MIDN: variants seen among roughly 807,000 people sequenced by gnomAD.
MIDN encodes the protein midbrain nucleolar protein.
Under a neutral mutation model 46.1 loss-of-function variants are expected in MIDN, and 26 were observed. That is an observed-to-expected ratio of 0.56 (90% CI 0.41 to 0.78). MIDN has a LOEUF of 0.78. Ranked by LOEUF, MIDN falls within the 30% of genes least tolerant of loss-of-function variation. The probability of loss-of-function intolerance (pLI) is 0.00; values close to 1 mark genes in which losing one functional copy is unlikely to be tolerated. For synonymous variants in MIDN, 432 were observed against 343.3 expected, an observed-to-expected ratio of 1.26 and a Z score of -2.86; for missense variants, 850 against 771.8, an observed-to-expected ratio of 1.10 and a Z score of -1.20.
intron 7 of MIDN, 59 bp from the exon 8 acceptor site, chr19:1,255,363 C>G (rs989225803): frequency 5.3e-6 from 8 of 1,506,984 alleles, no homozygotes; most frequent in Non-Finnish European, 7.1e-6. Context: ...CGTGGACGCC[C>G]GTCCTGGACA....
At chr19:1,256,838 G>A (rs762131920) in intron 8 of MIDN, among the ~76,000 whole-genome samples, 157 bp from the exon 9 acceptor site, 8 of 152,110 alleles carry the variant, frequency 5.3e-5, no homozygotes, top group East Asian at 1.9e-4. Context: ...CACTGTGCCC[G>A]GCATGGTGGA....
chr19:1,250,752 G>A (rs1239582327), intron 2 of MIDN, among the ~76,000 whole-genome samples: 2 of 151,578 alleles, frequency 1.3e-5, no homozygotes, highest in African/African-American at 2.4e-5. Context: ...GCCGGGCTTC[G>A]GCGGCCCCCC....
chr19:1,258,990 C>G lies in MIDN; in HGVS notation c.*1718C>G, dbSNP rs1470437439. The G allele has an allele frequency of 4.0e-5, 6 of 151,282 alleles. No individual in the cohort carries two copies. The highest frequency in any genetic ancestry group is 7.4e-5 in the Non-Finnish European group (5 of 67,920). 9.4% of individuals were successfully genotyped at this position (151,282 alleles called of 1,614,324 possible). On this transcript the variant is annotated 3_prime_UTR_variant, in exon 9 of 9. Transcript: ENST00000682408. ...CTCGCCACCCTCTGCCCGGTAAGGGCTGCCCAAGAAAGCATTACCCGCCCT... is the reference window on the plus strand; with the variant it reads ...CTCGCCACCCTCTGCCCGGTAAGGGGTGCCCAAGAAAGCATTACCCGCCCT...
intron 4 of MIDN, 61 bp from the exon 5 acceptor site, chr19:1,253,893 A>T: frequency 7.5e-7 from 1 of 1,337,012 alleles, no homozygotes; most frequent in Non-Finnish European, 9.6e-7. Context: ...TCCCCTTGCA[A>T]GACCGACCTA....
intron 4 of MIDN, among the ~76,000 whole-genome samples, chr19:1,253,431 C>G (rs1051556503): frequency 2.7e-5 from 4 of 150,452 alleles, no homozygotes; most frequent in Non-Finnish European, 4.4e-5. Context: ...ACCCCCCCCC[C>G]CATCCCGGCC....
intron 4 of MIDN, among the ~76,000 whole-genome samples, chr19:1,252,490 C>G (rs939091354): frequency 1.3e-5 from 2 of 151,482 alleles, no homozygotes; most frequent in Admixed American, 6.6e-5. Flanking sequence ...ATTTAGTAAG[C>G]GGCCAGGAGG....
At position 1,257,077 on chromosome 19, in the gene MIDN, C is replaced by A. The variant is rs1355002673; in HGVS notation, c.1341C>A (p.Leu447=). 6.2e-7 allele frequency: 1 copy of A among 1,612,284 alleles called. No individual in the cohort carries two copies. The highest frequency in any genetic ancestry group is 1.3e-5 in the African/African-American group (1 of 74,954). Residue 447 remains leucine, a synonymous_variant, in exon 9 of 9, where the codon CTC becomes CTA. Coordinates refer to ENST00000682408, the MANE Select transcript of MIDN (RefSeq NM_001388306.1). ...AGCTGCTTCTGCAGCAGAAACGGCT[C>A]CGTAGAAAGGCCCGGCGGGACGCGC... The part of the protein sequence containing the change: ...RLQLLLQQKR[L]RRKARRDARG...
rs2081132765 is a variant in MIDN at position 1,251,824 on chromosome 19, TC to T, written c.322-12del. The T allele has an allele frequency of 5.0e-6, 8 of 1,610,580 alleles. No individual in the cohort carries two copies. Among genetic ancestry groups the T allele is most frequent in the Non-Finnish European group, 5.9e-6 (7 of 1,177,728 alleles). ...CGACCCCACACTCAGGCCCCTCTCC[TC>T]CCTCTCTTTGTAGTCTCAGGCCTCA... On this transcript the variant is annotated splice_polypyrimidine_tract_variant and intron_variant, in intron 3 of 8. Coordinates refer to ENST00000682408, the MANE Select transcript of MIDN (RefSeq NM_001388306.1).
chr19:1,248,718 C>G (rs1235006817), intron 1 of MIDN, 58 bp downstream of exon 1: 1 of 152,262 alleles, frequency 6.6e-6, no homozygotes, highest in Non-Finnish European at 1.5e-5. Context: ...CTAGATGGCT[C>G]AGGATGCCCG....
Position 1,254,438 on chromosome 19 carries a change from G to A in MIDN, c.785G>A (p.Gly262Asp). 1.3e-6 allele frequency: 2 copies of A among 1,565,114 alleles called. No individual in the cohort carries two copies. The highest frequency in any genetic ancestry group is 1.7e-6 in the Non-Finnish European group (2 of 1,162,622). The change falls in exon 6 of 9, where the codon GGC becomes GAC. Residue 262 changes from glycine (G) to aspartate (D), a missense_variant. Gly to Asp is a moderately conservative substitution (Grantham distance 94, BLOSUM62 -1). Coordinates refer to ENST00000682408, the MANE Select transcript of MIDN (RefSeq NM_001388306.1). ...SPASPSPITAGSFRSHAASTT... is the reference protein window; with the variant it reads ...SPASPSPITADSFRSHAASTT... The stretch of plus-strand genomic sequence containing the variant: ...GCATCTCCCTCGCCCATCACAGCCG[G>A]CTCCTTCCGGTCCCACGCAGCCTCC...
intron 2 of MIDN, among the ~76,000 whole-genome samples, chr19:1,250,915 C>T (rs1179560451): frequency 6.6e-6 from 1 of 151,624 alleles, no homozygotes; most frequent in East Asian, 1.9e-4. Flanking sequence ...TTGCGTCTCT[C>T]TCCCCCCCTT....
chr19:1,254,118 G>T (rs745582895), intron 5 of MIDN, 36 bp downstream of exon 5: 12 of 1,557,128 alleles, frequency 7.7e-6, no homozygotes, highest in Non-Finnish European at 8.6e-6. Context: ...GGCTGGGCTG[G>T]GGGCGCCGCA....
Position 1,257,414 on chromosome 19 carries a change from T to C in MIDN, c.*142T>C, listed in dbSNP as rs973825264. 20 of 645,728 alleles carry C rather than the reference T, an allele frequency of 3.1e-5. No homozygotes were observed. The Admixed American group carries it at 6.1e-4, about 20-fold the overall frequency. The allele number at this position is 645,728 out of a possible 1,614,324, so 40.0% of individuals were successfully genotyped here. Reference sequence around the variant, plus strand: ...AGAAGTCTTTTTTTCTTTTCTTCTTTTTTATTATTTTTTTCTTTTTTTAAA... The same window carrying C: ...AGAAGTCTTTTTTTCTTTTCTTCTTCTTTATTATTTTTTTCTTTTTTTAAA... On this transcript the variant is annotated 3_prime_UTR_variant, in exon 9 of 9. Coordinates refer to ENST00000682408, the MANE Select transcript of MIDN (RefSeq NM_001388306.1).
rs779545651 is a variant in MIDN at position 1,254,464 on chromosome 19, A to G, written c.811A>G (p.Thr271Ala). The G allele has an allele frequency of 7.1e-6, 11 of 1,557,844 alleles. No individual in the cohort carries two copies. The Admixed American group carries it at 2.0e-4, about 28-fold the overall frequency. ...AGSFRSHAAS[T>A]TCPEQMDCSP... ...CTCCTTCCGGTCCCACGCAGCCTCC[A>G]CCACCTGCCCGGAGGTGAGCCTGGG... Residue 271 changes from threonine to alanine, a missense_variant, in exon 6 of 9, where the codon ACC becomes GCC. Physicochemically the swap from Thr to Ala is moderately conservative, Grantham distance 58. Coordinates refer to ENST00000682408, the MANE Select transcript of MIDN (RefSeq NM_001388306.1).
chr19:1,255,572 GCTCCCCGGC>G lies in MIDN; in HGVS notation c.1140_1148del (p.Ser383_Ala385del), dbSNP rs1168604034. 4 of 1,611,578 alleles carry G rather than the reference GCTCCCCGGC, an allele frequency of 2.5e-6. No individual in the cohort carries two copies. Among genetic ancestry groups the G allele is most frequent in the Non-Finnish European group, 3.4e-6 (4 of 1,179,622 alleles). ...GCCCAGCTCCGCTGCCACGCCCAGT[GCTCCCCGGC>G]CTCACCGGCCCCCGACCTGGCCCCC... On this transcript the variant is annotated inframe_deletion, in exon 8 of 9. Coordinates refer to ENST00000682408, the MANE Select transcript of MIDN (RefSeq NM_001388306.1).
intron 2 of MIDN, chr19:1,251,169 G>A (rs918436361): frequency 2.3e-4 from 41 of 176,098 alleles, no homozygotes; most frequent in Non-Finnish European, 4.4e-4. Flanking sequence ...CCTCTCCTCG[G>A]GCCGAAACCC....
In MIDN at chr19:1,255,608, G is replaced by C; in HGVS notation, c.1172G>C (p.Arg391Thr). The part of the protein sequence containing the change: ...PASPAPDLAP[R>T]TTSCEKLTAA... ...TCACCGGCCCCCGACCTGGCCCCCA[G>C]AACTACCTCCTGCGAGAAGCTCACG... is the stretch of plus-strand genomic sequence containing the variant. The change falls in exon 8 of 9, where the codon AGA becomes ACA. Residue 391 changes from arginine to threonine, a missense_variant. Transcript: ENST00000682408. The C allele has an allele frequency of 6.2e-7, 1 of 1,609,502 alleles. No homozygotes were observed.
chr19:1,253,747 G>T, intron 4 of MIDN: 1 of 252,092 alleles, frequency 4.0e-6, no homozygotes. Context: ...TAGCTGGGAG[G>T]GGGCCTGAGG....
chr19:1,254,362 C>A lies in MIDN; in HGVS notation c.709C>A (p.Pro237Thr). The A allele has an allele frequency of 6.4e-7, 1 of 1,562,210 alleles. No individual in the cohort carries two copies. The highest frequency in any genetic ancestry group is 8.6e-7 in the Non-Finnish European group (1 of 1,160,826). The change falls in exon 6 of 9, where the codon CCG (proline) becomes ACG (threonine). Residue 237 changes from proline (P) to threonine (T), a missense_variant. By Grantham distance (38) the Pro-to-Thr change is conservative. Coordinates refer to ENST00000682408, the MANE Select transcript of MIDN (RefSeq NM_001388306.1). ...IASPVSSPCR[P>T]VSSAARVPPV... ...CTCCCCCGTGTCCTCGCCCTGCCGG[C>A]CGGTGTCCAGTGCCGCCCGAGTCCC...
Sources: gnomAD v4.1 joint callset for allele counts (sites outside exome capture counted in the v4.1 genomes callset) on GRCh38, gnomAD v4.1.1 for gene constraint, MANE v1.5 for transcripts, NCBI Gene and HGNC (gene_info 2026-07-23, HGNC 2026-07-21) for gene names.